Variants in LY96 observed in about 807,000 individuals in gnomAD.
The protein encoded by LY96 is myeloid differentiation protein-2.
Under a neutral mutation model 18.9 loss-of-function variants are expected in LY96, and 18 were observed. The ratio of observed to expected loss-of-function variants is 0.95; its 90% CI spans 0.66 to 1.41. The LOEUF is 1.41. Ranked by LOEUF, LY96 falls within the 40% of genes most tolerant of loss-of-function variation. The pLI is 0.00. For synonymous variants in LY96, 66 were observed against 62.6 expected (o/e 1.06, Z -0.26); for missense variants, 175 against 182.4 (o/e 0.96, Z 0.23).
the LY96 span, among the ~76,000 whole-genome samples, chr8:74,058,145 G>A: frequency 1.3e-5 from 2 of 151,850 alleles, no homozygotes; most frequent in South Asian, 4.2e-4. Context: ...AGAAACACTA[G>A]GACAGACTTT....
At chr8:74,057,474 A>C in the LY96 span, among the ~76,000 whole-genome samples, 1 of 152,202 alleles carries the variant, frequency 6.6e-6, no homozygotes, top group African/African-American at 2.4e-5. Context: ...GGTCATTTAA[A>C]TTTGATTCTT....
the LY96 span, among the ~76,000 whole-genome samples, chr8:74,066,522 G>T: frequency 6.6e-6 from 1 of 152,096 alleles, no homozygotes. Context: ...AGGGAAGCAG[G>T]TATGCATATG....
At chr8:74,006,166 GTGAATTCAT>G (rs1376312438) in intron 2 of LY96, among the ~76,000 whole-genome samples, 2 of 152,098 alleles carry the variant, frequency 1.3e-5, no homozygotes, top group Non-Finnish European at 2.9e-5. Context: ...GCTAGGCACT[GTGAATTCAT>G]TGATAAGATA....
At chr8:74,096,993 T>C in the LY96 span, among the ~76,000 whole-genome samples, 2 of 152,316 alleles carry the variant, frequency 1.3e-5, no homozygotes, top group South Asian at 4.2e-4. Flanking sequence ...TGGTTCCTAC[T>C]TGAGTGACGG....
At chr8:74,020,312 A>G (rs1816732578) in intron 3 of LY96, among the ~76,000 whole-genome samples, 2 of 152,222 alleles carry the variant, frequency 1.3e-5, no homozygotes, top group Admixed American at 1.3e-4. Context: ...GTGAACTCCC[A>G]TTCACAATTG....
chr8:74,045,564 A>T, the LY96 span, among the ~76,000 whole-genome samples: 1 of 152,204 alleles, frequency 6.6e-6, no homozygotes, highest in Non-Finnish European at 1.5e-5. Context: ...CAGAAGACAC[A>T]TTTAAACTGG....
the LY96 span, among the ~76,000 whole-genome samples, chr8:74,087,086 G>A: frequency 7.7e-4 from 118 of 152,270 alleles, no homozygotes; most frequent in Middle Eastern, 3.4e-3. Context: ...AAAGCCTTGC[G>A]GATACTCTTC....
chr8:74,047,455 C>T, the LY96 span, among the ~76,000 whole-genome samples: 2 of 152,170 alleles, frequency 1.3e-5, no homozygotes, highest in African/African-American at 2.4e-5. Flanking sequence ...AATCAGGGTA[C>T]AGGAGGAAGA....
intron 1 of LY96, 129 bp downstream of exon 1, chr8:73,991,683 T>C: frequency 9.1e-6 from 6 of 659,780 alleles, no homozygotes; most frequent in South Asian, 7.6e-5. Context: ...TGGCGGACGC[T>C]GCCAGCAGGA....
intron 2 of LY96, among the ~76,000 whole-genome samples, chr8:74,008,543 A>G (rs1816463225): frequency 6.6e-6 from 1 of 152,222 alleles, no homozygotes; most frequent in African/African-American, 2.4e-5. Flanking sequence ...CTTCAGGTTC[A>G]GAGCAATGAG....
the LY96 span, among the ~76,000 whole-genome samples, chr8:74,037,692 A>T: frequency 2.6e-5 from 4 of 152,288 alleles, no homozygotes; most frequent in South Asian, 8.3e-4. Context: ...AATTGCAGAT[A>T]CTGTGGAGTC....
chr8:74,094,674 A>T, the LY96 span, among the ~76,000 whole-genome samples: 1 of 152,220 alleles, frequency 6.6e-6, no homozygotes, highest in Non-Finnish European at 1.5e-5. Flanking sequence ...GAAACAAAGC[A>T]TATGATCATC....
At chr8:74,088,821 A>C in the LY96 span, among the ~76,000 whole-genome samples, 411 of 152,310 alleles carry the variant, frequency 2.7e-3, 1 homozygote, top group Non-Finnish European at 4.9e-3. Context: ...CCTGGCCTCA[A>C]GTGATCAGCC....
chr8:73,993,052 A>G (rs1268831504), intron 1 of LY96, among the ~76,000 whole-genome samples: 1 of 150,812 alleles, frequency 6.6e-6, no homozygotes, highest in Non-Finnish European at 1.5e-5. Flanking sequence ...TAGTAGAGAC[A>G]GGGTTTCATC....
chr8:74,030,062 T>C (rs1173825312), downstream of LY96, among the ~76,000 whole-genome samples: 2 of 152,130 alleles, frequency 1.3e-5, no homozygotes, highest in Non-Finnish European at 2.9e-5. Flanking sequence ...ACAGAATTAG[T>C]GTAAGTAGAG....
intron 3 of LY96, among the ~76,000 whole-genome samples, chr8:74,013,550 A>T (rs1376071001): frequency 6.6e-6 from 1 of 151,960 alleles, no homozygotes; most frequent in Non-Finnish European, 1.5e-5. Context: ...AGCTTCCCAG[A>T]GTGCTGGGAT....
At chr8:74,038,123 G>A in the LY96 span, among the ~76,000 whole-genome samples, 1 of 152,202 alleles carries the variant, frequency 6.6e-6, no homozygotes, top group East Asian at 1.9e-4. Flanking sequence ...ATATAGATAT[G>A]CAATGTGTAA....
At chr8:73,998,010 T>C (rs1816186517) in intron 1 of LY96, among the ~76,000 whole-genome samples, 1 of 152,136 alleles carries the variant, frequency 6.6e-6, no homozygotes, top group Non-Finnish European at 1.5e-5. Context: ...ATGTTAACTC[T>C]GTCTGTAGCC....
intron 3 of LY96, among the ~76,000 whole-genome samples, chr8:74,024,714 A>G (rs1284048650): frequency 6.6e-6 from 1 of 152,186 alleles, no homozygotes; most frequent in East Asian, 1.9e-4. Flanking sequence ...CACTCTTACA[A>G]AGATGTTATC....
Sources: allele counts gnomAD v4.1 joint callset (sites outside exome capture counted in the v4.1 genomes callset), GRCh38; gene constraint gnomAD v4.1.1; transcripts MANE v1.5; gene names NCBI Gene and HGNC (gene_info 2026-07-23, HGNC 2026-07-21).